CRKL: variants seen among roughly 807,000 people sequenced by gnomAD.
The protein encoded by CRKL is crk-like protein.
In CRKL, 3 loss-of-function variants were observed where a neutral mutation model predicts 23.0. That is an observed-to-expected ratio of 0.13 (90% CI 0.06 to 0.34). The LOEUF (loss-of-function observed/expected upper bound fraction) is 0.34. Ranked by LOEUF, CRKL falls within the 10% of genes least tolerant of loss-of-function variation. The probability of loss-of-function intolerance (pLI) is 1.00; values close to 1 mark genes in which losing one functional copy is unlikely to be tolerated. For synonymous variants in CRKL, 188 were observed against 160.7 expected (o/e 1.17, Z -1.28); for missense variants, 256 against 394.5 (o/e 0.65, Z 2.97).
At chr22:20,919,863 A>G (rs899081912) in intron 1 of CRKL, among the ~76,000 whole-genome samples, 6 of 152,194 alleles carry the variant, frequency 3.9e-5, no homozygotes, top group African/African-American at 9.6e-5. Context: ...CCATGACAGT[A>G]TAATGACTAC....
rs1922207634 is a variant in CRKL at position 20,950,025 on chromosome 22, C to T, written c.*180C>T. 1 of 744,146 alleles carries T rather than the reference C, an allele frequency of 1.3e-6. No individual in the cohort carries two copies. Among genetic ancestry groups the T allele is most frequent in the African/African-American group, 1.8e-5 (1 of 54,892 alleles). The allele number at this position is 744,146 out of a possible 1,614,324, so 46.1% of individuals were successfully genotyped here. A position where few individuals can be genotyped will look rare whatever the true frequency, so the allele number is the denominator to read the frequency against. On this transcript the variant is annotated 3_prime_UTR_variant, in exon 3 of 3. Transcript: ENST00000354336. ...AGCGGCTGCCTCCTGATGTTTGTAT[C>T]ATAGTCGTATTGTCAAAGAGTAGCC...
intron 2 of CRKL, among the ~76,000 whole-genome samples, chr22:20,944,869 AC>A (rs1475195553): frequency 2.6e-5 from 4 of 151,668 alleles, no homozygotes; most frequent in African/African-American, 9.7e-5. Flanking sequence ...GCCTGCCACC[AC>A]GCCCAGCTAA....
chr22:20,920,050 G>A (rs929202), intron 1 of CRKL, among the ~76,000 whole-genome samples: 97,953 of 152,030 alleles, frequency 0.64, 32,202 homozygotes, highest in South Asian at 0.81. Flanking sequence ...TTAAGGAGTT[G>A]AGAATCTTAG....
chr22:20,947,231 G>GTC (rs1209708090), intron 2 of CRKL, among the ~76,000 whole-genome samples: 15 of 147,180 alleles, frequency 1.0e-4, no homozygotes, highest in African/African-American at 2.3e-4. Context: ...TGTGTTTTCT[G>GTC]TCTCTCTCTC....
chr22:20,934,930 C>T (rs942419780), intron 2 of CRKL, among the ~76,000 whole-genome samples: 2 of 150,246 alleles, frequency 1.3e-5, no homozygotes, highest in Non-Finnish European at 3.0e-5. Flanking sequence ...TCTCCTACCT[C>T]AGCCTCCCAA....
Position 20,918,251 on chromosome 22 carries a change from C to T in CRKL, c.311+6C>T, listed in dbSNP as rs1929762783. The T allele has an allele frequency of 6.2e-7, 1 of 1,612,666 alleles. No individual in the cohort carries two copies. The highest frequency in any genetic ancestry group is 8.5e-7 in the Non-Finnish European group (1 of 1,179,648). The stretch of plus-strand genomic sequence containing the variant: ...CTCATCGAGCCTGCGCCCAGGTACG[C>T]GAGAGCCCTCCCCGACCGCGGAGGA... On this transcript the variant is annotated splice_donor_region_variant and intron_variant, in intron 1 of 2. Transcript: ENST00000354336.
chr22:20,943,198 A>G (rs1194545507), intron 2 of CRKL, among the ~76,000 whole-genome samples: 1 of 151,994 alleles, frequency 6.6e-6, no homozygotes, highest in Non-Finnish European at 1.5e-5. Context: ...TTCTTTGCCC[A>G]TTTTTTAATT....
rs1472076783 is a variant in CRKL, at chr22:20,952,406, GGA to G, written c.*2564_*2565del. The G allele has an allele frequency of 2.6e-5, 6 of 230,480 alleles. No homozygotes were observed. Among genetic ancestry groups the G allele is most frequent in the Non-Finnish European group, 5.2e-5 (6 of 116,124 alleles). 14.3% of individuals were successfully genotyped at this position (230,480 alleles called of 1,614,324 possible). A position where few individuals can be genotyped will look rare whatever the true frequency, so the allele number is the denominator to read the frequency against. ...ATGAAAATGGCATCCAGGGCTGCCA[GGA>G]GATTCAGAGCTCAAAACAAGGCGAG... is the stretch of plus-strand genomic sequence containing the variant. On this transcript the variant is annotated 3_prime_UTR_variant, in exon 3 of 3. Transcript: ENST00000354336.
At chr22:20,932,507 A>G (rs1479627946) in intron 1 of CRKL, among the ~76,000 whole-genome samples, 1 of 152,002 alleles carries the variant, frequency 6.6e-6, no homozygotes, top group Non-Finnish European at 1.5e-5. Context: ...GGAAGTGTGC[A>G]GGATGTAAGC....
chr22:20,949,778 G>C lies in CRKL; in HGVS notation c.845G>C (p.Arg282Pro), dbSNP rs1444326760. 6.2e-7 allele frequency: 1 copy of C among 1,612,664 alleles called. No homozygotes were observed. The highest frequency in any genetic ancestry group is 8.5e-7 in the Non-Finnish European group (1 of 1,179,442). ...NGQWEGEVNG[R>P]KGLFPFTHVK... ...CAGTGGGAAGGCGAAGTGAACGGGC[G>C]CAAAGGGCTTTTCCCCTTTACGCAC... Residue 282 changes from arginine to proline, a missense_variant, in exon 3 of 3, where the codon CGC becomes CCC. Physicochemically the swap from Arg to Pro is moderately radical, Grantham distance 103. Transcript: ENST00000354336.
chr22:20,919,568 T>G (rs2147893360), intron 1 of CRKL, among the ~76,000 whole-genome samples: 1 of 152,358 alleles, frequency 6.6e-6, no homozygotes, highest in South Asian at 2.1e-4. Context: ...TTTATTGTTG[T>G]GTTTGCCCTG....
At chr22:20,934,747 A>C (rs761330475) in intron 2 of CRKL, among the ~76,000 whole-genome samples, 2 of 152,002 alleles carry the variant, frequency 1.3e-5, no homozygotes, top group Admixed American at 6.6e-5. Flanking sequence ...TAACATTGGA[A>C]TCAGTTGAGA....
chr22:20,924,492 C>T (rs1023220807), intron 1 of CRKL, among the ~76,000 whole-genome samples: 1 of 152,210 alleles, frequency 6.6e-6, no homozygotes, highest in Non-Finnish European at 1.5e-5. Flanking sequence ...GAATTCAACT[C>T]TGTGAATAAA....
chr22:20,948,702 G>A (rs181673895), intron 2 of CRKL, among the ~76,000 whole-genome samples: 10 of 148,982 alleles, frequency 6.7e-5, no homozygotes, highest in Admixed American at 6.7e-4. Context: ...GTCTTGCTGC[G>A]TTGCGCCGGC....
At chr22:20,940,537 A>C (rs1433281755) in intron 2 of CRKL, among the ~76,000 whole-genome samples, 9 of 149,510 alleles carry the variant, frequency 6.0e-5, no homozygotes, top group Non-Finnish European at 8.9e-5. Flanking sequence ...TCAGCTCTTA[A>C]GAACACCCTT....
intron 1 of CRKL, among the ~76,000 whole-genome samples, chr22:20,931,588 A>G (rs1316502270): frequency 6.6e-6 from 1 of 152,136 alleles, no homozygotes; most frequent in African/African-American, 2.4e-5. Flanking sequence ...GCTCATTATG[A>G]GTGAAGAGTT....
chr22:20,931,908 C>A (rs369191243), intron 1 of CRKL, among the ~76,000 whole-genome samples: 1 of 152,112 alleles, frequency 6.6e-6, no homozygotes, highest in Non-Finnish European at 1.5e-5. Context: ...GCCTCCCGGG[C>A]TCACACCGTT....
intron 2 of CRKL, among the ~76,000 whole-genome samples, chr22:20,942,173 A>G (rs937979499): frequency 2.0e-5 from 3 of 152,198 alleles, no homozygotes; most frequent in African/African-American, 7.2e-5. Flanking sequence ...AAATGATACA[A>G]TATTTGTCCT....
chr22:20,922,785 G>A (rs994048013), intron 1 of CRKL, among the ~76,000 whole-genome samples: 2 of 152,096 alleles, frequency 1.3e-5, no homozygotes, highest in African/African-American at 4.8e-5. Flanking sequence ...AGATTCTCCT[G>A]CCTCAGCCTC....
Sources: gnomAD v4.1 joint callset for allele counts (sites outside exome capture counted in the v4.1 genomes callset) on GRCh38, gnomAD v4.1.1 for gene constraint, MANE v1.5 for transcripts, NCBI Gene and HGNC (gene_info 2026-07-23, HGNC 2026-07-21) for gene names.